The following GLT8D1 variants were observed in gnomAD, a reference collection of about 807,000 sequenced individuals.
The protein encoded by GLT8D1 is glycosyltransferase 8 domain-containing protein 1.
In GLT8D1, 41 loss-of-function variants were observed where a neutral mutation model predicts 46.2. That is an observed-to-expected ratio of 0.89 (90% confidence interval 0.69 to 1.15). The LOEUF is 1.15. GLT8D1 is among the 50% of genes most tolerant of loss of function. GLT8D1 has a pLI of 0.00. For synonymous variants in GLT8D1, 150 were observed against 154.2 expected (o/e 0.97, Z 0.20); for missense variants, 408 against 449.3 (o/e 0.91, Z 0.83).
At position 52,695,964 on chromosome 3, in the gene GLT8D1, G is replaced by A; in HGVS notation, c.609C>T (p.Ala203=). 6.2e-7 allele frequency: 1 copy of A among 1,611,768 alleles called. No homozygotes were observed. Among genetic ancestry groups the A allele is most frequent in the Non-Finnish European group, 8.5e-7 (1 of 1,177,826 alleles). ...CTCCACGGATGACAACTTTAGTAGA[G>A]GCTGAATCACAATCTTCTGAAAATG... ...AAAFSEDCDS[A]STKVVIRGAG... Residue 203 remains alanine, a synonymous_variant, in exon 7 of 10, where the codon GCC becomes GCT. Transcript: ENST00000266014.
At position 52,696,572 on chromosome 3, in the gene GLT8D1, C is replaced by G; in HGVS notation, c.417G>C (p.Glu139Asp). 2 of 1,599,318 alleles carry G rather than the reference C, an allele frequency of 1.3e-6. No individual in the cohort carries two copies. The highest frequency in any genetic ancestry group is 2.2e-5 in the South Asian group (2 of 90,710). Residue 139 changes from glutamate (E) to aspartate (D), a missense_variant, in exon 5 of 10, where the codon GAG (glutamate) becomes GAC (aspartate). Physicochemically the swap from Glu to Asp is conservative, Grantham distance 45. Coordinates refer to ENST00000266014, the MANE Select transcript of GLT8D1 (RefSeq NM_018446.4). Reference sequence around the variant, plus strand: ...TCATGGATTCCCCCTGGTCAGGATCCTCCTTTACTTTTCCTTCCAAAAGTT... The same window carrying G: ...TCATGGATTCCCCCTGGTCAGGATCGTCCTTTACTTTTCCTTCCAAAAGTT... ...DPKLLEGKVK[E>D]DPDQGESMKP...
chr3:52,695,318 A>G lies in GLT8D1; in HGVS notation c.813-16T>C. The G allele has an allele frequency of 1.3e-6, 2 of 1,598,250 alleles. No homozygotes were observed. Among genetic ancestry groups the G allele is most frequent in the Non-Finnish European group, 1.7e-6 (2 of 1,167,602 alleles). On this transcript the variant is annotated splice_polypyrimidine_tract_variant and intron_variant, in intron 8 of 9. Coordinates refer to ENST00000266014, the MANE Select transcript of GLT8D1 (RefSeq NM_018446.4). The stretch of plus-strand genomic sequence containing the variant: ...CAGTCCCTCTCTTGGTGGGACAGAA[A>G]ACAAATGTTTGTTAGTGAAAAGTAC...
At chr3:52,698,698 A>C (rs967784091) in intron 3 of GLT8D1, among the ~76,000 whole-genome samples, 1 of 151,954 alleles carries the variant, frequency 6.6e-6, no homozygotes, top group African/African-American at 2.4e-5. Flanking sequence ...AAAAAAAGAA[A>C]ACTGAATTAG....
In GLT8D1 at chr3:52,695,506, G is replaced by C; in HGVS notation, c.727C>G (p.Pro243Ala). The change falls in exon 8 of 10, where the codon CCT becomes GCT. Residue 243 changes from proline (P) to alanine (A), a missense_variant. Physicochemically the swap from Pro to Ala is conservative, Grantham distance 27. Coordinates refer to ENST00000266014, the MANE Select transcript of GLT8D1 (RefSeq NM_018446.4). ...GTCAGGTTTGCAACAAAAACTCCAG[G>C]ATTAAATGAGCAAGTGCTGGCTTTC... The part of the protein sequence containing the change: ...SMKASTCSFN[P>A]GVFVANLTEW... 1 of 1,611,740 alleles carries C rather than the reference G, an allele frequency of 6.2e-7. No homozygotes were observed. The highest frequency in any genetic ancestry group is 2.2e-5 in the East Asian group (1 of 44,872).
rs1407786331 is a variant in GLT8D1, at chr3:52,697,778, GTGT to G, written c.269_271del (p.Asn90del). 6.2e-7 allele frequency: 1 copy of G among 1,613,942 alleles called. No individual in the cohort carries two copies. The highest frequency in any genetic ancestry group is 1.1e-5 in the South Asian group (1 of 91,072). ...AATGTAGAAAATCACATTGGAGCGA[GTGT>G]TGTGCTGAATGCTGTTTATAGCTGC... On this transcript the variant is annotated inframe_deletion, in exon 4 of 10. Transcript: ENST00000266014.
chr3:52,705,365 C>T (rs1193963729), intron 1 of GLT8D1, 82 bp downstream of exon 1: 1 of 152,462 alleles, frequency 6.6e-6, no homozygotes, highest in Non-Finnish European at 1.5e-5. Context: ...CCAGGGTCCC[C>T]TCTCCAAGGG....
chr3:52,705,708 A>C lies in GLT8D1; in HGVS notation c.-298T>G. The C allele has an allele frequency of 2.0e-6, 1 of 509,984 alleles. No individual in the cohort carries two copies. 31.6% of individuals were successfully genotyped at this position (509,984 alleles called of 1,614,324 possible). ...GCTGGGCCGAGCACACTTGCCCTCT[A>C]GCTCCGTGGCAGCCGCGCAGCCCCA... On this transcript the variant is annotated 5_prime_UTR_variant, in exon 1 of 10. Coordinates refer to ENST00000266014, the MANE Select transcript of GLT8D1 (RefSeq NM_018446.4).
intron 3 of GLT8D1, among the ~76,000 whole-genome samples, chr3:52,698,807 C>A (rs2097336672): frequency 6.6e-6 from 1 of 150,960 alleles, no homozygotes; most frequent in Admixed American, 6.6e-5. Flanking sequence ...CCTCATTGAA[C>A]CCTGGTATTT....
intron 3 of GLT8D1, among the ~76,000 whole-genome samples, chr3:52,699,219 C>T (rs1172447957): frequency 6.6e-6 from 1 of 152,038 alleles, no homozygotes; most frequent in African/African-American, 2.4e-5. Flanking sequence ...CTAGTATCAG[C>T]CATCATCCAT....
rs1335432952 is a variant in GLT8D1, at chr3:52,694,876, C to T, written c.1085G>A (p.Arg362Gln). The T allele has an allele frequency of 5.0e-6, 8 of 1,612,070 alleles. No homozygotes were observed. Among genetic ancestry groups the T allele is most frequent in the South Asian group, 1.1e-5 (1 of 91,030 alleles). The change falls in exon 10 of 10, where the codon CGA (arginine) becomes CAA (glutamine). Residue 362 changes from arginine to glutamine, a missense_variant. Transcript: ENST00000266014. ...TATGTTTGAGATCTCGGTATATCTT[C>T]GGATTAGGTTGAATTTGCCTGTTGG... is the stretch of plus-strand genomic sequence containing the variant. The part of the protein sequence containing the change: ...PDPTGKFNLI[R>Q]RYTEISNIK
At chr3:52,696,486 G>A in intron 5 of GLT8D1, 56 bp downstream of exon 5, 1 of 1,064,084 alleles carries the variant, frequency 9.4e-7, no homozygotes, top group East Asian at 2.4e-5. Context: ...CAGATACCCA[G>A]GTATTCCATT....
At position 52,697,727 on chromosome 3, in the gene GLT8D1, T is replaced by TG. The variant is rs2097335258; in HGVS notation, c.322dup (p.His108ProfsTer9). The TG allele has an allele frequency of 6.3e-7, 1 of 1,599,878 alleles. No homozygotes were observed. Among genetic ancestry groups the TG allele is most frequent in the Non-Finnish European group, 8.6e-7 (1 of 1,167,120 alleles). On this transcript the variant is annotated frameshift_variant, in exon 4 of 10. Transcript: ENST00000266014. LOFTEE classifies it high-confidence loss of function. ...TCACATAAGCAGAGCTCACCGGAGA[T>TG]GGTCTGCTGTATTGTTGAGAGTAAC...
intron 3 of GLT8D1, among the ~76,000 whole-genome samples, chr3:52,700,059 T>A (rs901377120): frequency 2.0e-5 from 3 of 152,230 alleles, no homozygotes; most frequent in African/African-American, 7.2e-5. Context: ...TCTGAAGCCC[T>A]GTCCTGCTGA....
intron 1 of GLT8D1, among the ~76,000 whole-genome samples, chr3:52,701,896 T>C (rs537804686): frequency 6.0e-4 from 92 of 152,358 alleles, no homozygotes; most frequent in African/African-American, 2.0e-3. Flanking sequence ...CTTAAAGACA[T>C]TTTACCAACC....
chr3:52,696,171 TTTTA>T (rs986818593), intron 6 of GLT8D1, 59 bp downstream of exon 6: 3 of 1,257,108 alleles, frequency 2.4e-6, no homozygotes, highest in Non-Finnish European at 3.5e-6. Context: ...TAGCCCATTG[TTTTA>T]TTTAGCAATT....
chr3:52,703,917 C>T (rs1405289814), intron 1 of GLT8D1: 1 of 152,224 alleles, frequency 6.6e-6, no homozygotes, highest in African/African-American at 2.4e-5. Context: ...AAATTGCACA[C>T]AGACGCTGGA....
Position 52,697,767 on chromosome 3 carries a change from C to A in GLT8D1, c.283G>T (p.Val95Leu). 1 of 1,613,970 alleles carries A rather than the reference C, an allele frequency of 6.2e-7. No individual in the cohort carries two copies. Among genetic ancestry groups the A allele is most frequent in the Non-Finnish European group, 8.5e-7 (1 of 1,179,826 alleles). The part of the protein sequence containing the change: ...NSIQHNTRSN[V>L]IFYIVTLNNT... ...TTGAGAGTAACAATGTAGAAAATCA[C>A]ATTGGAGCGAGTGTTGTGCTGAATG... The change falls in exon 4 of 10, where the codon GTG (valine) becomes TTG (leucine). Residue 95 changes from valine to leucine, a missense_variant. Physicochemically the swap from Val to Leu is conservative, Grantham distance 32. Coordinates refer to ENST00000266014, the MANE Select transcript of GLT8D1 (RefSeq NM_018446.4).
At chr3:52,696,487 G>T in intron 5 of GLT8D1, 55 bp downstream of exon 5, 1 of 1,065,796 alleles carries the variant, frequency 9.4e-7, no homozygotes, top group Non-Finnish European at 1.5e-6. Flanking sequence ...AGATACCCAG[G>T]TATTCCATTA....
chr3:52,695,576 A>C lies in GLT8D1; in HGVS notation c.657T>G (p.Ile219Met). 6.3e-7 allele frequency: 1 copy of C among 1,595,440 alleles called. No individual in the cohort carries two copies. Among genetic ancestry groups the C allele is most frequent in the Non-Finnish European group, 8.6e-7 (1 of 1,163,584 alleles). The change falls in exon 8 of 10, where the codon ATT (isoleucine) becomes ATG (methionine). Residue 219 changes from isoleucine (I) to methionine (M), a missense_variant. Physicochemically the swap from Ile to Met is conservative, Grantham distance 10. Transcript: ENST00000266014. ...IRGAGNQYNY[I>M]GYLDYKKERI... ...TTTCCTTTTTATAGTCAAGATAGCC[A>C]ATGTAATTGTACTAAAAACACAAAT...
Sources: allele counts gnomAD v4.1 joint callset (sites outside exome capture counted in the v4.1 genomes callset), GRCh38; gene constraint gnomAD v4.1.1; transcripts MANE v1.5; gene names NCBI Gene and HGNC (gene_info 2026-07-23, HGNC 2026-07-21).